The following TSPOAP1 variants were observed in gnomAD, a reference collection of about 807,000 sequenced individuals.
The protein encoded by TSPOAP1 is TSPO associated protein 1, also known as peripheral-type benzodiazepine receptor-associated protein 1.
A neutral mutation model predicts 197.0 loss-of-function variants in TSPOAP1; 87 were observed. That is an observed-to-expected ratio of 0.44 (90% CI 0.37 to 0.53). The LOEUF (loss-of-function observed/expected upper bound fraction) is 0.53, where lower values mean the gene tolerates loss of function less well. TSPOAP1 is among the 20% of genes least tolerant of loss of function. The pLI is 0.00. For missense variants in TSPOAP1, 2,174 were observed against 2,411.3 expected (o/e 0.90, Z 2.06); for synonymous variants, 913 against 998.9 (o/e 0.91, Z 1.62).
chr17:58,327,953 G>A lies in TSPOAP1; in HGVS notation c.-33C>T. ...CCAAGGGGCCCCAGAACCCGGGCCGGGGGACATCACCCAGCCAGGTGGGGG... is the reference window on the plus strand; with the variant it reads ...CCAAGGGGCCCCAGAACCCGGGCCGAGGGACATCACCCAGCCAGGTGGGGG... On this transcript the variant is annotated 5_prime_UTR_variant, in exon 1 of 32. Transcript: ENST00000343736. 3.9e-6 allele frequency: 6 copies of A among 1,538,748 alleles called. No homozygotes were observed. The highest frequency in any genetic ancestry group is 5.3e-6 in the Non-Finnish European group (6 of 1,138,476).
At chr17:58,314,295 C>T (rs377291392) in intron 16 of TSPOAP1, among the ~76,000 whole-genome samples, 6 of 152,258 alleles carry the variant, frequency 3.9e-5, no homozygotes, top group East Asian at 3.9e-4. Context: ...GAATGGTGGC[C>T]GCCCAAAAAC....
Position 58,322,466 on chromosome 17 carries a change from G to A in TSPOAP1, c.1318-54C>T, listed in dbSNP as rs1425292844. 1 of 1,584,590 alleles carries A rather than the reference G, an allele frequency of 6.3e-7. No homozygotes were observed. Among genetic ancestry groups the A allele is most frequent in the Non-Finnish European group, 8.6e-7 (1 of 1,168,214 alleles). ...GAGCCCCTACTTGGCCATTTCTAGA[G>A]AAGATCTAAGATGAGGAAGCCTCAA... On this transcript the variant is annotated intron_variant, in intron 9 of 31. Coordinates refer to ENST00000343736, the MANE Select transcript of TSPOAP1 (RefSeq NM_004758.4). The surrounding 1 kb of genome is among the most constrained non-coding windows in gnomAD (Gnocchi z 5.0).
Position 58,310,708 on chromosome 17 carries a change from G to A in TSPOAP1, c.3503C>T (p.Thr1168Ile), listed in dbSNP as rs1246554535. 7 of 1,612,920 alleles carry A rather than the reference G, an allele frequency of 4.3e-6. No homozygotes were observed. Among genetic ancestry groups the A allele is most frequent in the Middle Eastern group, 1.7e-4 (1 of 6,060 alleles). Reference sequence around the variant, plus strand: ...CTCACCCAGGGTAGATGTGCTGGCTGTCCTCTCCTCTGAGGTGCCCAGCAC... The same window carrying A: ...CTCACCCAGGGTAGATGTGCTGGCTATCCTCTCCTCTGAGGTGCCCAGCAC... ...AAVLGTSEER[T>I]ASTSTLGEKD... Residue 1168 changes from threonine (T) to isoleucine (I), a missense_variant, in exon 20 of 32, where the codon ACA (threonine) becomes ATA (isoleucine). Thr to Ile is a moderately conservative substitution (Grantham distance 89). This residue lies in a region of TSPOAP1 where 1,933 missense variants were observed against 2,139.0 expected (regional missense o/e 0.90). Coordinates refer to ENST00000343736, the MANE Select transcript of TSPOAP1 (RefSeq NM_004758.4).
chr17:58,318,200 C>T (rs1971297285), intron 14 of TSPOAP1, 80 bp downstream of exon 14: 1 of 1,527,412 alleles, frequency 6.5e-7, no homozygotes, highest in Middle Eastern at 1.8e-4. Context: ...TCCTGGGGAC[C>T]CCAGAAGAGG....
rs1244786431 is a variant in TSPOAP1, at chr17:58,310,964, C to A, written c.3331G>T (p.Asp1111Tyr). The change falls in exon 19 of 32, where the codon GAC becomes TAC. Residue 1111 changes from aspartate (D) to tyrosine (Y), a missense_variant. By Grantham distance (160) the Asp-to-Tyr change is radical (BLOSUM62 -3). This residue lies in a region of TSPOAP1 where 1,933 missense variants were observed against 2,139.0 expected (regional missense o/e 0.90). Coordinates refer to ENST00000343736, the MANE Select transcript of TSPOAP1 (RefSeq NM_004758.4). ...GGGTGCTGGAGAGGAGAGCTGGGGT[C>A]TCCAGGCCCTGGGGAGGCTGAAGCA... ...PLASASPGPG[D>Y]PSSPLQHPAP... 1 of 1,589,126 alleles carries A rather than the reference C, an allele frequency of 6.3e-7. No individual in the cohort carries two copies. Among genetic ancestry groups the A allele is most frequent in the South Asian group, 1.1e-5 (1 of 88,756 alleles).
At chr17:58,317,165 C>A (rs1971265375) in intron 14 of TSPOAP1, among the ~76,000 whole-genome samples, 1 of 152,154 alleles carries the variant, frequency 6.6e-6, no homozygotes, top group Admixed American at 6.5e-5. Flanking sequence ...CACTGCACTG[C>A]AGCCTGGGGG....
intron 4 of TSPOAP1, 74 bp from the exon 5 acceptor site, chr17:58,325,076 G>A (rs1971535487): frequency 1.3e-5 from 17 of 1,339,716 alleles, no homozygotes; most frequent in Non-Finnish European, 1.7e-5. Flanking sequence ...CCCCTGCAGA[G>A]CCCTTCGCCT....
intron 15 of TSPOAP1, 107 bp from the exon 16 acceptor site, chr17:58,316,239 G>T: frequency 8.7e-7 from 1 of 1,155,738 alleles, no homozygotes; most frequent in Non-Finnish European, 1.3e-6. Flanking sequence ...ACTTGGTTGT[G>T]GTTGTCCACC....
rs1275735137 is a variant in TSPOAP1 at position 58,327,936 on chromosome 17, C to T, written c.-16G>A. 4.4e-6 allele frequency: 7 copies of T among 1,573,222 alleles called. No individual in the cohort carries two copies. Among genetic ancestry groups the T allele is most frequent in the Admixed American group, 3.5e-5 (2 of 57,434 alleles). On this transcript the variant is annotated 5_prime_UTR_variant, in exon 1 of 32. Coordinates refer to ENST00000343736, the MANE Select transcript of TSPOAP1 (RefSeq NM_004758.4). ...GTTGCTCCATGGTACTGCCAAGGGG[C>T]CCCAGAACCCGGGCCGGGGGACATC...
At chr17:58,316,325 C>G in intron 15 of TSPOAP1, 100 bp downstream of exon 15, 11 of 1,188,542 alleles carry the variant, frequency 9.3e-6, no homozygotes, top group Non-Finnish European at 1.2e-5. Context: ...GTGTCCTGTA[C>G]TGCCCCCACC....
Position 58,305,171 on chromosome 17 carries a change from C to G in TSPOAP1, c.5434G>C (p.Gly1812Arg). Reference sequence around the variant, plus strand: ...AGGCCCCTTTGTCCATTTAATTCCCCCTGGAGAGAAGAGGCCGGTGAGACT... The same window carrying G: ...AGGCCCCTTTGTCCATTTAATTCCCGCTGGAGAGAAGAGGCCGGTGAGACT... ...GGMDDDGFYY[G>R]ELNGQRGLVP... The change falls in exon 30 of 32, where the codon GGG (glycine) becomes CGG (arginine). Residue 1812 changes from glycine (G) to arginine (R), a missense_variant and splice_region_variant. Gly to Arg is a moderately radical substitution (Grantham distance 125). Transcript: ENST00000343736. The G allele has an allele frequency of 6.2e-7, 1 of 1,609,754 alleles. No homozygotes were observed. The highest frequency in any genetic ancestry group is 8.5e-7 in the Non-Finnish European group (1 of 1,176,128).
At position 58,310,152 on chromosome 17, in the gene TSPOAP1, C is replaced by T. The variant is rs376108731; in HGVS notation, c.3706G>A (p.Asp1236Asn). 1 of 1,611,844 alleles carries T rather than the reference C, an allele frequency of 6.2e-7. No individual in the cohort carries two copies. The highest frequency in any genetic ancestry group is 1.3e-5 in the African/African-American group (1 of 74,914). Residue 1236 changes from aspartate (D) to asparagine (N), a missense_variant, in exon 21 of 32, where the codon GAC becomes AAC. Asp to Asn is a conservative substitution (Grantham distance 23, BLOSUM62 1). Coordinates refer to ENST00000343736, the MANE Select transcript of TSPOAP1 (RefSeq NM_004758.4). ...SGLRPRAEKE[D>N]TAELGVHLVN... Reference sequence around the variant, plus strand: ...AGATGAACCCCAAGCTCTGCTGTGTCCTCCTTCTGCAAGAAGTGAGGCAAG... The same window carrying T: ...AGATGAACCCCAAGCTCTGCTGTGTTCTCCTTCTGCAAGAAGTGAGGCAAG...
intron 18 of TSPOAP1, 122 bp downstream of exon 18, chr17:58,311,449 G>A: frequency 7.2e-7 from 1 of 1,396,784 alleles, no homozygotes; most frequent in Non-Finnish European, 9.7e-7. Context: ...TAACCCATCT[G>A]CCTCATGGTA....
At chr17:58,308,398 G>A (rs1970974181) in intron 22 of TSPOAP1, 143 bp downstream of exon 22, 1 of 1,182,750 alleles carries the variant, frequency 8.5e-7, no homozygotes, top group Non-Finnish European at 1.2e-6. Context: ...GGTGGGAGGA[G>A]GCAGGTGAGG....
At position 58,316,464 on chromosome 17, in the gene TSPOAP1, C is replaced by T. The variant is rs750579654; in HGVS notation, c.1949G>A (p.Arg650Gln). The T allele has an allele frequency of 1.6e-5, 26 of 1,613,828 alleles. No homozygotes were observed. The highest frequency in any genetic ancestry group is 4.0e-5 in the African/African-American group (3 of 75,062). ...SLLPAAPEGS[R>Q]GGARIQVFLA... Reference sequence around the variant, plus strand: ...GAAGACCTGGATCCTGGCTCCTCCCCGGCTGCCCTCTGGCGCAGCTGGGAG... The same window carrying T: ...GAAGACCTGGATCCTGGCTCCTCCCTGGCTGCCCTCTGGCGCAGCTGGGAG... The change falls in exon 15 of 32, where the codon CGG becomes CAG. Residue 650 changes from arginine (R) to glutamine (Q), a missense_variant. Physicochemically the swap from Arg to Gln is conservative, Grantham distance 43. Transcript: ENST00000343736.
In TSPOAP1 at chr17:58,310,131, G is replaced by A. The variant is rs1567841228; in HGVS notation, c.3727C>T (p.His1243Tyr). The A allele has an allele frequency of 6.2e-7, 1 of 1,613,196 alleles. No homozygotes were observed. The highest frequency in any genetic ancestry group is 8.5e-7 in the Non-Finnish European group (1 of 1,180,002). ...EKEDTAELGV[H>Y]LVNSLVDHGR... Reference sequence around the variant, plus strand: ...TGGTCCACGAGGGAGTTCACCAGATGAACCCCAAGCTCTGCTGTGTCCTCC... The same window carrying A: ...TGGTCCACGAGGGAGTTCACCAGATAAACCCCAAGCTCTGCTGTGTCCTCC... Residue 1243 changes from histidine to tyrosine, a missense_variant, in exon 21 of 32, where the codon CAT (histidine) becomes TAT (tyrosine). Transcript: ENST00000343736.
chr17:58,317,992 T>C (rs1157918197), intron 14 of TSPOAP1, among the ~76,000 whole-genome samples: 1 of 152,214 alleles, frequency 6.6e-6, no homozygotes, highest in African/African-American at 2.4e-5. Context: ...CAGATCCTGG[T>C]GCCCAAGTGT....
chr17:58,324,897 C>T lies in TSPOAP1; in HGVS notation c.856G>A (p.Glu286Lys). 1.3e-6 allele frequency: 2 copies of T among 1,534,478 alleles called. No individual in the cohort carries two copies. The highest frequency in any genetic ancestry group is 1.7e-6 in the Non-Finnish European group (2 of 1,145,052). Reference sequence around the variant, plus strand: ...CAGGACGGCGGGAGCGGGAGCGTCTCCCGCTGGTTGCGCAGCGCGATCTGC... The same window carrying T: ...CAGGACGGCGGGAGCGGGAGCGTCTTCCGCTGGTTGCGCAGCGCGATCTGC... ...QRQIALRNQRETLPLPPSWPP... is the reference protein window; with the variant it reads ...QRQIALRNQRKTLPLPPSWPP... The change falls in exon 5 of 32, where the codon GAG becomes AAG. Residue 286 changes from glutamate (E) to lysine (K), a missense_variant. Glu to Lys is a moderately conservative substitution (Grantham distance 56). This residue lies in a region of TSPOAP1 where 1,933 missense variants were observed against 2,139.0 expected (regional missense o/e 0.90). Coordinates refer to ENST00000343736, the MANE Select transcript of TSPOAP1 (RefSeq NM_004758.4). This position sits in a 1 kb window ranked among gnomAD's most constrained non-coding sequence, Gnocchi z 5.8.
Position 58,325,561 on chromosome 17 carries a change from C to T in TSPOAP1, c.723G>A (p.Leu241=). 6.2e-7 allele frequency: 1 copy of T among 1,612,806 alleles called. No individual in the cohort carries two copies. ...IAALQRECRE[L]QARLTLVGKE... is the part of the protein sequence containing the mutation. ...TGCCCACCAGAGTGAGCCTGGCCTG[C>T]AGCTCCCTGCACTCCCGCTGCAAGG... The change falls in exon 4 of 32, where the codon CTG becomes CTA. Residue 241 remains leucine (L), a synonymous_variant. Transcript: ENST00000343736.
Sources: allele counts gnomAD v4.1 joint callset (sites outside exome capture counted in the v4.1 genomes callset), GRCh38; gene constraint gnomAD v4.1.1; regional missense constraint gnomAD v4.1.1; non-coding constraint Gnocchi (gnomAD v3.1); transcripts MANE v1.5; gene names NCBI Gene and HGNC (gene_info 2026-07-23, HGNC 2026-07-21).